The following CHD9 variants were observed in gnomAD, a reference collection of about 807,000 sequenced individuals.
CHD9 encodes ATP-dependent chromatin remodeler CHD9.
CHD9 carries 77 observed loss-of-function variants against 316.1 expected under a neutral mutation model. That is an observed-to-expected ratio of 0.24 (90% CI 0.20 to 0.29). The LOEUF is 0.29. Among genes scored for constraint, CHD9 ranks in the 10% least tolerant of loss-of-function variants. The pLI, the probability that CHD9 is intolerant of heterozygous loss-of-function variation, is 1.00. For synonymous variants in CHD9, 1,129 were observed against 1,158.3 expected (o/e 0.97, Z 0.51); for missense variants, 2,763 against 3,438.1 (o/e 0.80, Z 4.91).
At chr16:53,250,110 A>T (rs1457316265) in intron 17 of CHD9, 44 bp downstream of exon 17, 2 of 1,422,590 alleles carry the variant, frequency 1.4e-6, no homozygotes, top group Admixed American at 4.1e-5. Flanking sequence ...TTTTTAAAAA[A>T]GTAAAATTGT....
At chr16:53,231,173 G>C (rs550825094) in intron 8 of CHD9, among the ~76,000 whole-genome samples, 1 of 152,232 alleles carries the variant, frequency 6.6e-6, no homozygotes, top group Admixed American at 6.5e-5. Flanking sequence ...GCTGCTTTCA[G>C]GCATTTTTTA....
Position 53,067,755 on chromosome 16 carries a change from G to A in CHD9, c.-165+12678G>A, listed in dbSNP as rs116280690. On this transcript the variant is annotated intron_variant, in intron 1 of 38. Coordinates refer to ENST00000447540, the MANE Select transcript of CHD9 (RefSeq NM_001308319.2). ...CTTATTACCAGGTGGCTAAGGTAGCGTTTGTCAGGTTTCTCCACGGTAAAG... is the reference window on the plus strand; with the variant it reads ...CTTATTACCAGGTGGCTAAGGTAGCATTTGTCAGGTTTCTCCACGGTAAAG... Among the ~76,000 whole-genome samples the A allele has an allele frequency of 8.5e-3, 1,298 of 152,244 alleles. 22 individuals carry two copies. Among genetic ancestry groups the A allele is most frequent in the African/African-American group, 0.029 (1,204 of 41,546 alleles).
intron 28 of CHD9, 132 bp from the exon 29 acceptor site, chr16:53,292,701 T>A (rs2054444348): frequency 1.4e-6 from 1 of 695,026 alleles, no homozygotes; most frequent in South Asian, 1.9e-5. Context: ...TAAAAGAAGC[T>A]TTTAGGATGA....
chr16:53,286,155 G>A lies in CHD9; in HGVS notation c.5072-71G>A, dbSNP rs1430842039. 8 of 740,762 alleles carry A rather than the reference G, an allele frequency of 1.1e-5. No individual in the cohort carries two copies. In the South Asian group the frequency reaches 1.3e-4, roughly 12 times the overall value. 45.9% of individuals were successfully genotyped at this position (740,762 alleles called of 1,614,324 possible). A position where few individuals can be genotyped will look rare whatever the true frequency, so the allele number is the denominator to read the frequency against. On this transcript the variant is annotated intron_variant, in intron 25 of 38. Coordinates refer to ENST00000447540, the MANE Select transcript of CHD9 (RefSeq NM_001308319.2). ...CAGAAATATCATCCACTGTAAATAC[G>A]AGGAATGCTTATATGTATACACCTT...
chr16:53,211,445 T>C (rs2046325725), intron 3 of CHD9, among the ~76,000 whole-genome samples: 1 of 152,128 alleles, frequency 6.6e-6, no homozygotes, highest in East Asian at 1.9e-4. Context: ...GTAAATTATT[T>C]TAATATTGCA....
intron 2 of CHD9, among the ~76,000 whole-genome samples, chr16:53,183,154 G>A (rs138015335): frequency 7.3e-4 from 111 of 152,172 alleles, no homozygotes; most frequent in African/African-American, 2.4e-3. Flanking sequence ...ATGTAGCTGC[G>A]CAAAAACAGA....
At chr16:53,168,160 C>T (rs181505390) in intron 2 of CHD9, among the ~76,000 whole-genome samples, 62 of 152,082 alleles carry the variant, frequency 4.1e-4, no homozygotes, top group South Asian at 1.0e-3. Flanking sequence ...CTCCCGGGTT[C>T]GAACAATTCT....
At chr16:53,316,502 A>C (rs1035731328) in intron 36 of CHD9, among the ~76,000 whole-genome samples, 25 of 152,240 alleles carry the variant, frequency 1.6e-4, no homozygotes, top group Admixed American at 7.8e-4. Context: ...TCACCTGCAA[A>C]TATTTTATCA....
intron 1 of CHD9, among the ~76,000 whole-genome samples, chr16:53,151,254 C>G (rs1379293148): frequency 8.6e-6 from 1 of 115,772 alleles, no homozygotes; most frequent in Non-Finnish European, 1.7e-5. Context: ...CTGTCCTTTC[C>G]TTGTCCTGTC....
At chr16:53,185,029 A>G (rs999475727) in intron 2 of CHD9, among the ~76,000 whole-genome samples, 3 of 152,188 alleles carry the variant, frequency 2.0e-5, no homozygotes, top group Admixed American at 2.0e-4. Flanking sequence ...TACATTACCC[A>G]GTTTTGGGAA....
At position 53,322,109 on chromosome 16, in the gene CHD9, T is replaced by C. The variant is rs145448916; in HGVS notation, c.7818+479T>C. On this transcript the variant is annotated intron_variant, in intron 38 of 38. Transcript: ENST00000447540. ...GCCTCCTGGGTTCAAGTGATTCTCATGCCTCAGCCTTCCAAGTAGCTGGGA... is the reference window on the plus strand; with the variant it reads ...GCCTCCTGGGTTCAAGTGATTCTCACGCCTCAGCCTTCCAAGTAGCTGGGA... Among the ~76,000 whole-genome samples, 914 of 151,294 alleles carry C rather than the reference T, an allele frequency of 6.0e-3. 6 individuals are homozygous for C. Among genetic ancestry groups the C allele is most frequent in the Non-Finnish European group, 0.01 (690 of 67,808 alleles).
chr16:53,198,973 C>T (rs1458582793), intron 2 of CHD9, among the ~76,000 whole-genome samples: 1 of 150,656 alleles, frequency 6.6e-6, no homozygotes, highest in East Asian at 1.9e-4. Context: ...TTGGAATTTG[C>T]ATTTGAATAT....
At chr16:53,142,429 C>A in intron 1 of CHD9, among the ~76,000 whole-genome samples, 1 of 152,114 alleles carries the variant, frequency 6.6e-6, no homozygotes, top group East Asian at 1.9e-4. Flanking sequence ...AACTCTGCAA[C>A]CTTTCTAAAC....
At chr16:53,281,575 C>G (rs1205538195) in intron 24 of CHD9, among the ~76,000 whole-genome samples, 1 of 152,194 alleles carries the variant, frequency 6.6e-6, no homozygotes, top group African/African-American at 2.4e-5. Context: ...TCTTGGCACT[C>G]CTTAACACCC....
Position 53,135,229 on chromosome 16 carries a change from GAGAT to G in CHD9, c.-164-20693_-164-20690del, listed in dbSNP as rs535560681. 3.6e-4 allele frequency among the ~76,000 whole-genome samples: 55 copies of G among 152,282 alleles called. 1 individual carries two copies. In the South Asian group the frequency reaches 0.011, roughly 30 times the overall value. ...CAGAAAACCATATGAGCTGAAATGA[GAGAT>G]AGAAAGCAGATTATACAGGGCCTTG... On this transcript the variant is annotated intron_variant, in intron 1 of 38. Transcript: ENST00000447540.
chr16:53,075,819 A>G (rs530183094), intron 1 of CHD9, among the ~76,000 whole-genome samples: 1 of 152,216 alleles, frequency 6.6e-6, no homozygotes, highest in African/African-American at 2.4e-5. Context: ...TTCATTTTTA[A>G]TCTTTTGAGG....
intron 1 of CHD9, among the ~76,000 whole-genome samples, chr16:53,127,858 T>C (rs539552582): frequency 2.1e-4 from 30 of 146,012 alleles, no homozygotes; most frequent in African/African-American, 6.6e-4. Flanking sequence ...GAGGTGGAGG[T>C]TGGTGTCCCG....
chr16:53,208,247 C>A (rs1307588327), intron 2 of CHD9: 3 of 1,211,882 alleles, frequency 2.5e-6, no homozygotes, highest in Admixed American at 3.2e-5. Flanking sequence ...AATCTTCTTT[C>A]AATGCTTTTT....
chr16:53,271,336 A>T (rs757168907), intron 22 of CHD9, among the ~76,000 whole-genome samples: 6 of 152,170 alleles, frequency 3.9e-5, no homozygotes, highest in Non-Finnish European at 8.8e-5. Context: ...TGGGAAGCTG[A>T]GGTGGCCAGA....
Sources: gnomAD v4.1 joint callset for allele counts (sites outside exome capture counted in the v4.1 genomes callset) on GRCh38, gnomAD v4.1.1 for gene constraint, MANE v1.5 for transcripts, NCBI Gene and HGNC (gene_info 2026-07-23, HGNC 2026-07-21) for gene names.